GSPT1: variants seen among roughly 807,000 people sequenced by gnomAD.
GSPT1 encodes the protein eukaryotic peptide chain release factor GTP-binding subunit ERF3A.
A neutral mutation model predicts 72.5 loss-of-function variants in GSPT1; 20 were observed. That is an observed-to-expected ratio of 0.28 (90% CI 0.19 to 0.40). GSPT1 has a LOEUF of 0.40. Among genes scored for constraint, GSPT1 ranks in the 10% least tolerant of loss-of-function variants. The pLI is 1.00. For missense variants in GSPT1, 580 were observed against 811.9 expected, an observed-to-expected ratio of 0.71 and a Z score of 3.47; for synonymous variants, 334 against 293.5, an observed-to-expected ratio of 1.14 and a Z score of -1.41.
At chr16:11,906,798 T>C (rs1314547964) in intron 1 of GSPT1, among the ~76,000 whole-genome samples, 1 of 152,182 alleles carries the variant, frequency 6.6e-6, no homozygotes, top group Admixed American at 6.5e-5. Context: ...GTCTTAATAA[T>C]AGGCACTTAT....
intron 9 of GSPT1, 123 bp from the exon 10 acceptor site, chr16:11,885,397 C>A (rs2054175415): frequency 1.6e-6 from 1 of 623,056 alleles, no homozygotes; most frequent in Non-Finnish European, 2.9e-6. Flanking sequence ...CCCATTCAAC[C>A]ACTTTATTAT....
At position 11,886,568 on chromosome 16, in the gene GSPT1, C is replaced by G. The variant is rs2054188814; in HGVS notation, c.1156G>C (p.Val386Leu). ...ATGTCCTTTTTGGGATTGAAGCCAACTTTTTTCAAAAATGGCACTAGTTTC... is the reference window on the plus strand; with the variant it reads ...ATGTCCTTTTTGGGATTGAAGCCAAGTTTTTTCAAAAATGGCACTAGTTTC... Reference protein sequence around the residue: ...KEKLVPFLKKVGFNPKKDIHF... With the variant: ...KEKLVPFLKKLGFNPKKDIHF... The change falls in exon 9 of 15, where the codon GTT becomes CTT. Residue 386 changes from valine (V) to leucine (L), a missense_variant. Around this residue, in one of 6 missense-constraint regions of GSPT1, gnomAD observed 34 missense variants for 62.0 expected, o/e 0.55. Transcript: ENST00000434724. 6.2e-7 allele frequency: 1 copy of G among 1,612,386 alleles called. No individual in the cohort carries two copies. Among genetic ancestry groups the G allele is most frequent in the Non-Finnish European group, 8.5e-7 (1 of 1,178,552 alleles).
chr16:11,915,266 A>G, intron 1 of GSPT1, 103 bp downstream of exon 1: 1 of 1,199,118 alleles, frequency 8.3e-7, no homozygotes, highest in Non-Finnish European at 1.0e-6. Flanking sequence ...TCAGCGCCCC[A>G]CGTGCCGACC....
At chr16:11,896,879 A>G in intron 3 of GSPT1, 94 bp from the exon 4 acceptor site, 2 of 824,504 alleles carry the variant, frequency 2.4e-6, no homozygotes, top group Non-Finnish European at 3.9e-6. Context: ...GGAAGTTTGC[A>G]TATGTAGTTC....
At chr16:11,874,952 G>A (rs2054022979) in intron 14 of GSPT1, among the ~76,000 whole-genome samples, 1 of 152,224 alleles carries the variant, frequency 6.6e-6, no homozygotes, top group Non-Finnish European at 1.5e-5. Context: ...AGCACTTTGG[G>A]AGGCCAAGGC....
chr16:11,882,983 AATAG>A, intron 11 of GSPT1, 28 bp downstream of exon 11: 1 of 1,398,846 alleles, frequency 7.1e-7, no homozygotes, highest in East Asian at 2.3e-5. Context: ...AAAATCAATA[AATAG>A]ATAGGAAACA....
At chr16:11,911,854 A>ATTTTTTT (rs1158026034) in intron 1 of GSPT1, among the ~76,000 whole-genome samples, 2,231 of 45,396 alleles carry the variant, frequency 0.049, 489 homozygotes, top group Non-Finnish European at 0.063. Flanking sequence ...ACCCAGCTGT[A>ATTTTTTT]TTTTTTTTTT....
chr16:11,876,683 C>T (rs1451066976), intron 12 of GSPT1, among the ~76,000 whole-genome samples: 1 of 152,142 alleles, frequency 6.6e-6, no homozygotes, highest in Non-Finnish European at 1.5e-5. Flanking sequence ...GTGGAGGTTG[C>T]AGTGAGCCAA....
intron 1 of GSPT1, among the ~76,000 whole-genome samples, chr16:11,911,540 C>T (rs2054556296): frequency 1.4e-5 from 2 of 143,442 alleles, no homozygotes. Context: ...TTTGTGCCAC[C>T]ACACCCAGCT....
chr16:11,906,440 G>C (rs541250898), intron 1 of GSPT1, among the ~76,000 whole-genome samples: 20 of 152,210 alleles, frequency 1.3e-4, no homozygotes, highest in African/African-American at 4.6e-4. Flanking sequence ...AGACCAGCCA[G>C]GGCAACACAG....
intron 1 of GSPT1, chr16:11,908,300 C>G (rs1025653613): frequency 6.6e-6 from 1 of 151,794 alleles, no homozygotes; most frequent in East Asian, 1.9e-4. Context: ...AAACCAAAAC[C>G]ATTTCAGATA....
intron 5 of GSPT1, among the ~76,000 whole-genome samples, chr16:11,894,155 C>CAAAAAAAAAAAAAAAAAA (rs57226427): frequency 7.0e-5 from 3 of 42,662 alleles, no homozygotes; most frequent in African/African-American, 2.6e-4. Context: ...GACCCTATCT[C>CAAAAAAAAAAAAAAAAAA]AAAAAAAAAA....
At chr16:11,873,226 GATA>G in intron 14 of GSPT1, 55 bp from the exon 15 acceptor site, 1 of 855,026 alleles carries the variant, frequency 1.2e-6, no homozygotes, top group Non-Finnish European at 2.0e-6. Context: ...GTCTATATAA[GATA>G]TTAAAACTTA....
chr16:11,912,297 G>A (rs1002788120), intron 1 of GSPT1, among the ~76,000 whole-genome samples: 5 of 148,186 alleles, frequency 3.4e-5, no homozygotes, highest in African/African-American at 1.0e-4. Context: ...GTAGTCAGCC[G>A]AGATCGTGCC....
rs769364812 is a variant in GSPT1 at position 11,875,882 on chromosome 16, G to T, written c.1740C>A (p.Thr580=). ...VDKKSGEKSK[T]RPRFVKQDQV... Reference sequence around the variant, plus strand: ...GATCTTGTTTGACAAAACGGGGTCGGGTCTTACTTTTTTCTCCTGATTTTT... The same window carrying T: ...GATCTTGTTTGACAAAACGGGGTCGTGTCTTACTTTTTTCTCCTGATTTTT... Residue 580 remains threonine (T), a synonymous_variant, in exon 14 of 15, where the codon ACC becomes ACA. Coordinates refer to ENST00000434724, the MANE Select transcript of GSPT1 (RefSeq NM_002094.4). 1 of 1,613,482 alleles carries T rather than the reference G, an allele frequency of 6.2e-7. No individual in the cohort carries two copies. The highest frequency in any genetic ancestry group is 8.5e-7 in the Non-Finnish European group (1 of 1,179,788).
At position 11,876,186 on chromosome 16, in the gene GSPT1, AAC is replaced by A. The variant is rs756755704; in HGVS notation, c.1603-13_1603-12del. ...CTCTATAATCACTATCTGTCAAACA[AAC>A]ACACACATTCTTATCTTTAGCCTTA... is the stretch of plus-strand genomic sequence containing the variant. On this transcript the variant is annotated splice_polypyrimidine_tract_variant and intron_variant, in intron 12 of 14. Transcript: ENST00000434724. 4 of 1,500,274 alleles carry A rather than the reference AAC, an allele frequency of 2.7e-6. No individual in the cohort carries two copies. Among genetic ancestry groups the A allele is most frequent in the African/African-American group, 2.7e-5 (2 of 72,836 alleles). The allele number at this position is 1,500,274 out of a possible 1,614,324, so 92.9% of individuals were successfully genotyped here.
rs761867320 is a variant in GSPT1, at chr16:11,885,282, C to A, written c.1254-8G>T. 14 of 1,394,912 alleles carry A rather than the reference C, an allele frequency of 1.0e-5. 1 individual carries two copies. The Admixed American group carries it at 2.4e-4, about 23-fold the overall frequency. The allele number at this position is 1,394,912 out of a possible 1,614,324, so 86.4% of individuals were successfully genotyped here. ...GGAATAAACGGTAATCCACTGAGAA[C>A]ATAACAACAAAGCCATTAAAGGAAG... is the stretch of plus-strand genomic sequence containing the variant. On this transcript the variant is annotated splice_region_variant and splice_polypyrimidine_tract_variant and intron_variant, in intron 9 of 14. Coordinates refer to ENST00000434724, the MANE Select transcript of GSPT1 (RefSeq NM_002094.4).
intron 14 of GSPT1, 133 bp downstream of exon 14, chr16:11,875,626 AAC>A (rs2054038662): frequency 1.7e-6 from 1 of 601,292 alleles, no homozygotes; most frequent in African/African-American, 1.9e-5. Flanking sequence ...CAACTCATAA[AAC>A]ACTCATACGA....
At chr16:11,882,438 T>G (rs2054133064) in intron 11 of GSPT1, 1 of 152,446 alleles carries the variant, frequency 6.6e-6, no homozygotes, top group Admixed American at 6.5e-5. Context: ...ATTTGTAAGG[T>G]GCCAATTATG....
Sources: gnomAD v4.1 joint callset for allele counts (sites outside exome capture counted in the v4.1 genomes callset) on GRCh38, gnomAD v4.1.1 for gene constraint, gnomAD v4.1.1 regional missense constraint, MANE v1.5 for transcripts, NCBI Gene and HGNC (gene_info 2026-07-23, HGNC 2026-07-21) for gene names.